The following FKRP variants were observed in gnomAD, a reference collection of about 807,000 sequenced individuals.
FKRP encodes the protein fukutin related protein.
A neutral mutation model predicts 30.6 loss-of-function variants in FKRP; 25 were observed. That is an observed-to-expected ratio of 0.82 (90% confidence interval 0.60 to 1.14). FKRP has a LOEUF of 1.14. Ranked by LOEUF, FKRP falls within the 50% of genes most tolerant of loss-of-function variation. The pLI, the probability that FKRP is intolerant of heterozygous loss-of-function variation, is 0.00. For synonymous variants in FKRP, 358 were observed against 342.5 expected (o/e 1.05, Z -0.50); for missense variants, 771 against 727.8 (o/e 1.06, Z -0.68).
intron 3 of FKRP, among the ~76,000 whole-genome samples, chr19:46,754,910 C>CT (rs982831557): frequency 1.3e-4 from 19 of 151,008 alleles, no homozygotes; most frequent in South Asian, 1.3e-3. Flanking sequence ...CCAGCCTAAC[C>CT]TTTTTTTTTC....
At position 46,749,929 on chromosome 19, in the gene FKRP, T is replaced by G. The variant is rs142341741; in HGVS notation, c.-40+1264T>G. Among the ~76,000 whole-genome samples the G allele has an allele frequency of 2.2e-3, 333 of 152,162 alleles. 1 individual carries two copies. The highest frequency in any genetic ancestry group is 3.7e-3 in the Non-Finnish European group (254 of 68,012). ...GAGACGGGGTCTTACCAGTCCATGCTGGTCTCAAACTCCCAGGCTCAAGCA... is the reference window on the plus strand; with the variant it reads ...GAGACGGGGTCTTACCAGTCCATGCGGGTCTCAAACTCCCAGGCTCAAGCA... On this transcript the variant is annotated intron_variant, in intron 3 of 3. Coordinates refer to ENST00000318584, the MANE Select transcript of FKRP (RefSeq NM_024301.5).
At chr19:46,747,263 A>G (rs2122503794) in intron 1 of FKRP, 2 of 152,524 alleles carry the variant, frequency 1.3e-5, no homozygotes, top group Middle Eastern at 6.8e-3. Flanking sequence ...GGCAGTTGCT[A>G]TGGTTACAGG....
At position 46,756,089 on chromosome 19, in the gene FKRP, C is replaced by T. The variant is rs746859953; in HGVS notation, c.639C>T (p.Pro213=). 6.5e-7 allele frequency: 1 copy of T among 1,542,658 alleles called. No homozygotes were observed. Among genetic ancestry groups the T allele is most frequent in the East Asian group, 2.5e-5 (1 of 40,416 alleles). The change falls in exon 4 of 4, where the codon CCC becomes CCT. Residue 213 remains proline, a synonymous_variant. Transcript: ENST00000318584. The surrounding 1 kb of genome is among the most constrained non-coding windows in gnomAD (Gnocchi z 6.6). ...GCGACCTCTTCAACCTCTCGGCGCC[C>T]CTGGCCCGGCCGGTGGGCACCAGCC... is the stretch of plus-strand genomic sequence containing the variant. The part of the protein sequence containing the change: ...RARDLFNLSA[P]LARPVGTSLF...
At chr19:46,754,669 C>T (rs1489730454) in intron 3 of FKRP, among the ~76,000 whole-genome samples, 1 of 151,848 alleles carries the variant, frequency 6.6e-6, no homozygotes, top group Non-Finnish European at 1.5e-5. Flanking sequence ...TGCAATGGTG[C>T]CATCTCCGCT....
At chr19:46,754,914 T>C (rs2054876337) in intron 3 of FKRP, among the ~76,000 whole-genome samples, 1 of 152,176 alleles carries the variant, frequency 6.6e-6, no homozygotes, top group Non-Finnish European at 1.5e-5. Context: ...CCTAACCTTT[T>C]TTTTTCATTT....
chr19:46,752,523 A>G (rs1172417205), intron 3 of FKRP, among the ~76,000 whole-genome samples: 2 of 152,150 alleles, frequency 1.3e-5, no homozygotes, highest in Non-Finnish European at 2.9e-5. Flanking sequence ...TGAAGGATTG[A>G]AGGAAGGAAG....
rs1555738032 is a variant in FKRP at position 46,755,525 on chromosome 19, G to T, written c.75G>T (p.Ser25=). The T allele has an allele frequency of 6.2e-7, 1 of 1,610,008 alleles. No individual in the cohort carries two copies. The highest frequency in any genetic ancestry group is 1.1e-5 in the South Asian group (1 of 90,642). Residue 25 remains serine (S), a synonymous_variant, in exon 4 of 4, where the codon TCG becomes TCT. Coordinates refer to ENST00000318584, the MANE Select transcript of FKRP (RefSeq NM_024301.5). ...ACCTTCTGGTCCTCTTCTATGTCTC[G>T]TGGCTGCAGCACCAGCCTAGGAATT... is the stretch of plus-strand genomic sequence containing the variant. ...TLNLLVLFYV[S]WLQHQPRNSR... is the part of the protein sequence containing the mutation.
intron 3 of FKRP, among the ~76,000 whole-genome samples, chr19:46,752,323 C>T (rs757834615): frequency 6.6e-6 from 1 of 152,068 alleles, no homozygotes; most frequent in African/African-American, 2.4e-5. Context: ...CATGTGTGTT[C>T]GGAGCTCCTA....
rs1333089122 is a variant in FKRP, at chr19:46,756,331, C to A, written c.881C>A (p.Thr294Lys). ...TGGTTCGGCTGCAACAAGGAGACCACGCGCTGCTTCGGAACCGTGGTGGGC... is the reference window on the plus strand; with the variant it reads ...TGGTTCGGCTGCAACAAGGAGACCAAGCGCTGCTTCGGAACCGTGGTGGGC... The part of the protein sequence containing the change: ...LEWFGCNKET[T>K]RCFGTVVGDT... Residue 294 changes from threonine to lysine, a missense_variant, in exon 4 of 4, where the codon ACG becomes AAG. By Grantham distance (78) the Thr-to-Lys change is moderately conservative (BLOSUM62 -1). Transcript: ENST00000318584. The surrounding 1 kb of genome is among the most constrained non-coding windows in gnomAD (Gnocchi z 6.6). The A allele has an allele frequency of 6.4e-7, 1 of 1,556,310 alleles. No homozygotes were observed.
chr19:46,746,093 G>GGGGCC lies in FKRP; in HGVS notation c.-253+3_-253+4insGGGCC. 7.6e-7 allele frequency: 1 copy of GGGGCC among 1,307,370 alleles called. No homozygotes were observed. The highest frequency in any genetic ancestry group is 9.9e-7 in the Non-Finnish European group (1 of 1,006,180). 81.0% of individuals were successfully genotyped at this position (1,307,370 alleles called of 1,614,324 possible). A position where few individuals can be genotyped will look rare whatever the true frequency, so the allele number is the denominator to read the frequency against. ...GATGGCGGCGGCGGCGGCAGCGGGT[G>GGGGCC]AGGCCGGGCCGGGCCGGGCCGGGTT... On this transcript the variant is annotated splice_donor_region_variant and intron_variant, in intron 1 of 3. Transcript: ENST00000318584.
upstream of FKRP, among the ~76,000 whole-genome samples, chr19:46,745,115 C>A (rs2054554313): frequency 6.6e-6 from 1 of 151,802 alleles, no homozygotes; most frequent in African/African-American, 2.4e-5. Flanking sequence ...AAGCATCACC[C>A]CAGGGTAACC....
Position 46,756,607 on chromosome 19 carries a change from T to C in FKRP, c.1157T>C (p.Val386Ala), listed in dbSNP as rs749652080. Residue 386 changes from valine (V) to alanine (A), a missense_variant, in exon 4 of 4, where the codon GTG (valine) becomes GCG (alanine). By Grantham distance (64) the Val-to-Ala change is moderately conservative (BLOSUM62 0). Coordinates refer to ENST00000318584, the MANE Select transcript of FKRP (RefSeq NM_024301.5). This position sits in a 1 kb window ranked among gnomAD's most constrained non-coding sequence, Gnocchi z 6.6. The stretch of plus-strand genomic sequence containing the variant: ...CTGCGGGGGGCAGAGGCCGGCTCGG[T>C]GGTGGATGAGCGCGGCTTCGTATGG... ...EQLRGAEAGS[V>A]VDERGFVWEK... The C allele has an allele frequency of 1.2e-6, 2 of 1,611,224 alleles. No individual in the cohort carries two copies. The highest frequency in any genetic ancestry group is 2.2e-5 in the South Asian group (2 of 90,658).
chr19:46,749,956 T>A (rs2054755476), intron 3 of FKRP, among the ~76,000 whole-genome samples: 1 of 151,916 alleles, frequency 6.6e-6, no homozygotes, highest in African/African-American at 2.4e-5. Flanking sequence ...GCTCAAGCAA[T>A]CTCCCCCAGC....
intron 3 of FKRP, among the ~76,000 whole-genome samples, chr19:46,752,326 A>G (rs2054810687): frequency 1.3e-5 from 2 of 152,068 alleles, no homozygotes; most frequent in Admixed American, 1.3e-4. Context: ...GTGTGTTCGG[A>G]GCTCCTATGT....
At position 46,755,853 on chromosome 19, in the gene FKRP, G is replaced by A. The variant is rs748928675; in HGVS notation, c.403G>A (p.Ala135Thr). The change falls in exon 4 of 4, where the codon GCT (alanine) becomes ACT (threonine). Residue 135 changes from alanine (A) to threonine (T), a missense_variant. By Grantham distance (58) the Ala-to-Thr change is moderately conservative (BLOSUM62 0). Transcript: ENST00000318584. ...FVALVPDGARAEAPGLLERMV... is the reference protein window; with the variant it reads ...FVALVPDGARTEAPGLLERMV... ...GGCCCTAGTACCTGATGGGGCGCGG[G>A]CTGAGGCACCTGGCCTGCTGGAGCG... is the stretch of plus-strand genomic sequence containing the variant. 6 of 1,490,960 alleles carry A rather than the reference G, an allele frequency of 4.0e-6. No individual in the cohort carries two copies. In the East Asian group the frequency reaches 1.5e-4, roughly 37 times the overall value. 92.4% of individuals were successfully genotyped at this position (1,490,960 alleles called of 1,614,324 possible). A position where few individuals can be genotyped will look rare whatever the true frequency, so the allele number is the denominator to read the frequency against.
intron 3 of FKRP, among the ~76,000 whole-genome samples, chr19:46,752,874 T>A (rs972860653): frequency 2.0e-5 from 3 of 151,810 alleles, no homozygotes; most frequent in African/African-American, 7.3e-5. Flanking sequence ...GTTTAAAAAA[T>A]ATATATATTT....
rs2054889065 is a variant in FKRP, at chr19:46,755,491, T to A, written c.41T>A (p.Ile14Asn). Residue 14 changes from isoleucine to asparagine, a missense_variant, in exon 4 of 4, where the codon ATC (isoleucine) becomes AAC (asparagine). By Grantham distance (149) the Ile-to-Asn change is moderately radical. Coordinates refer to ENST00000318584, the MANE Select transcript of FKRP (RefSeq NM_024301.5). ...TRCQAALAAAITLNLLVLFYV... is the reference protein window; with the variant it reads ...TRCQAALAAANTLNLLVLFYV... Reference sequence around the variant, plus strand: ...TGCCAGGCTGCCCTGGCGGCCGCCATCACCCTCAACCTTCTGGTCCTCTTC... The same window carrying A: ...TGCCAGGCTGCCCTGGCGGCCGCCAACACCCTCAACCTTCTGGTCCTCTTC... 1 of 1,610,452 alleles carries A rather than the reference T, an allele frequency of 6.2e-7. No individual in the cohort carries two copies. Among genetic ancestry groups the A allele is most frequent in the Admixed American group, 1.7e-5 (1 of 59,912 alleles).
upstream of FKRP, chr19:46,745,862 T>G: frequency 3.3e-6 from 1 of 305,156 alleles, no homozygotes; most frequent in Non-Finnish European, 6.0e-6. Flanking sequence ...TCCCAGCTGG[T>G]TGTGGTCCCT....
chr19:46,757,115 C>A lies in FKRP; in HGVS notation c.*177C>A. 2.3e-6 allele frequency: 2 copies of A among 852,364 alleles called. No individual in the cohort carries two copies. Among genetic ancestry groups the A allele is most frequent in the African/African-American group, 1.7e-5 (1 of 58,870 alleles). The allele number at this position is 852,364 out of a possible 1,614,324, so 52.8% of individuals were successfully genotyped here. A position where few individuals can be genotyped will look rare whatever the true frequency, so the allele number is the denominator to read the frequency against. ...CATTGGCAGGAGGAGAGCACCAGGA[C>A]GAGGATGGGAAGCGACCTCCAGATT... On this transcript the variant is annotated 3_prime_UTR_variant, in exon 4 of 4. Transcript: ENST00000318584.
Sources: gnomAD v4.1 joint callset for allele counts (sites outside exome capture counted in the v4.1 genomes callset) on GRCh38, gnomAD v4.1.1 for gene constraint, Gnocchi (gnomAD v3.1) non-coding constraint, MANE v1.5 for transcripts, NCBI Gene and HGNC (gene_info 2026-07-23, HGNC 2026-07-21) for gene names.